Variants in RORA observed in about 807,000 individuals in gnomAD.
The protein encoded by RORA is nuclear receptor ROR-alpha.
In RORA, 7 loss-of-function variants were observed where a neutral mutation model predicts 69.5. The ratio of observed to expected loss-of-function variants is 0.10; its 90% CI spans 0.06 to 0.19. RORA has a LOEUF of 0.19. Among genes scored for constraint, RORA ranks in the 10% least tolerant of loss-of-function variants. The probability of loss-of-function intolerance (pLI) is 1.00; values close to 1 mark genes in which losing one functional copy is unlikely to be tolerated. For missense variants in RORA, 457 were observed against 663.0 expected, an observed-to-expected ratio of 0.69 and a Z score of 3.41; for synonymous variants, 261 against 240.8, an observed-to-expected ratio of 1.08 and a Z score of -0.78.
chr15:60,738,175 T>G (rs1286863799), intron 1 of RORA, among the ~76,000 whole-genome samples: 1 of 152,258 alleles, frequency 6.6e-6, no homozygotes, highest in African/African-American at 2.4e-5. Context: ...TTTCACTTTG[T>G]GCTTCAGCTA....
chr15:60,570,986 G>A (rs1359704568), intron 2 of RORA, among the ~76,000 whole-genome samples: 4 of 152,140 alleles, frequency 2.6e-5, no homozygotes, highest in Non-Finnish European at 5.9e-5. Context: ...TGCCCTGTCT[G>A]TATCCTGCCT....
At chr15:60,901,141 G>C (rs1567230706) in intron 1 of RORA, among the ~76,000 whole-genome samples, 1 of 152,138 alleles carries the variant, frequency 6.6e-6, no homozygotes, top group Non-Finnish European at 1.5e-5. Context: ...TACACTAAGT[G>C]AGAAAGTCTT....
chr15:60,919,536 A>G (rs1246080369), intron 1 of RORA, among the ~76,000 whole-genome samples: 1 of 152,242 alleles, frequency 6.6e-6, no homozygotes, highest in East Asian at 1.9e-4. Context: ...CATCCATTAT[A>G]GAGGCTACTC....
At chr15:60,503,263 G>A (rs1339307308) in intron 7 of RORA, among the ~76,000 whole-genome samples, 1 of 152,164 alleles carries the variant, frequency 6.6e-6, no homozygotes, top group Non-Finnish European at 1.5e-5. Flanking sequence ...AGGACTTGGA[G>A]TGTAGAAACA....
intron 1 of RORA, among the ~76,000 whole-genome samples, chr15:60,804,905 C>T (rs1381405814): frequency 1.3e-5 from 2 of 152,188 alleles, no homozygotes; most frequent in Non-Finnish European, 2.9e-5. Flanking sequence ...CTAAAATTCA[C>T]ATTTGTTCAT....
intron 1 of RORA, among the ~76,000 whole-genome samples, chr15:60,775,756 C>G (rs1198564295): frequency 6.6e-6 from 1 of 152,176 alleles, no homozygotes; most frequent in African/African-American, 2.4e-5. Flanking sequence ...TCACGGAGGG[C>G]TTAATTTAAT....
At chr15:61,098,402 C>A (rs1397965392) in intron 1 of RORA, among the ~76,000 whole-genome samples, 1 of 151,844 alleles carries the variant, frequency 6.6e-6, no homozygotes. Flanking sequence ...AGTGCAGTGG[C>A]GTGATCACAG....
intron 1 of RORA, among the ~76,000 whole-genome samples, chr15:60,702,973 G>C (rs2071005770): frequency 6.6e-6 from 1 of 152,172 alleles, no homozygotes; most frequent in African/African-American, 2.4e-5. Context: ...TTCTCACAAT[G>C]AGATGTTCCG....
intron 1 of RORA, among the ~76,000 whole-genome samples, chr15:60,775,044 C>T (rs373568128): frequency 3.5e-4 from 54 of 152,192 alleles, no homozygotes; most frequent in African/African-American, 1.3e-3. Flanking sequence ...ACACCCCACA[C>T]GTCTAAGATT....
At chr15:60,871,859 C>T (rs1436599727) in intron 1 of RORA, among the ~76,000 whole-genome samples, 1 of 152,198 alleles carries the variant, frequency 6.6e-6, no homozygotes, top group Non-Finnish European at 1.5e-5. Flanking sequence ...GTCTGGACTT[C>T]AGTTAATAGT....
chr15:61,087,487 C>T (rs2078641895), intron 1 of RORA, among the ~76,000 whole-genome samples: 1 of 152,160 alleles, frequency 6.6e-6, no homozygotes, highest in African/African-American at 2.4e-5. Context: ...ATTCAAAGTG[C>T]TAAAATCAAT....
chr15:60,561,966 G>A (rs970329210), intron 2 of RORA, among the ~76,000 whole-genome samples: 1 of 151,548 alleles, frequency 6.6e-6, no homozygotes, highest in South Asian at 2.1e-4. Flanking sequence ...TTTTTGAGAC[G>A]GAGTTTTGCT....
At chr15:60,895,733 A>G (rs575815628) in intron 1 of RORA, among the ~76,000 whole-genome samples, 1 of 152,336 alleles carries the variant, frequency 6.6e-6, no homozygotes, top group South Asian at 2.1e-4. Context: ...GCTTGCCCAT[A>G]CAACGCACAT....
chr15:61,215,359 T>C (rs1283336386), intron 1 of RORA, among the ~76,000 whole-genome samples: 1 of 152,116 alleles, frequency 6.6e-6, no homozygotes, highest in African/African-American at 2.4e-5. Flanking sequence ...AGGAGATAAA[T>C]GACAAAATAA....
intron 2 of RORA, among the ~76,000 whole-genome samples, chr15:60,569,023 C>T (rs1303940537): frequency 6.6e-6 from 1 of 151,468 alleles, no homozygotes; most frequent in African/African-American, 2.4e-5. Flanking sequence ...TTACAAAAGG[C>T]CTTTTTGTGG....
intron 2 of RORA, among the ~76,000 whole-genome samples, chr15:60,557,288 A>G (rs1330254883): frequency 6.6e-6 from 1 of 152,262 alleles, no homozygotes; most frequent in Non-Finnish European, 1.5e-5. Context: ...AAGATATAGA[A>G]TGCTCACAAC....
chr15:60,889,087 C>T (rs1208772247), intron 1 of RORA, among the ~76,000 whole-genome samples: 1 of 152,230 alleles, frequency 6.6e-6, no homozygotes, highest in African/African-American at 2.4e-5. Flanking sequence ...CCACCCCTAG[C>T]CCCGTGCTCA....
At chr15:60,866,659 A>G (rs2073490661) in intron 1 of RORA, among the ~76,000 whole-genome samples, 1 of 152,128 alleles carries the variant, frequency 6.6e-6, no homozygotes, top group Non-Finnish European at 1.5e-5. Context: ...GTGGCCAATC[A>G]TGCCTACATG....
chr15:60,858,264 G>T (rs1002830372), intron 1 of RORA, among the ~76,000 whole-genome samples: 3 of 152,142 alleles, frequency 2.0e-5, no homozygotes, highest in African/African-American at 7.2e-5. Flanking sequence ...CTAATTATTT[G>T]CCAGGATAGG....
Sources: allele counts gnomAD v4.1 joint callset (sites outside exome capture counted in the v4.1 genomes callset), GRCh38; gene constraint gnomAD v4.1.1; transcripts MANE v1.5; gene names NCBI Gene and HGNC (gene_info 2026-07-23, HGNC 2026-07-21).